The following ONECUT3 variants were observed in gnomAD, a reference collection of about 807,000 sequenced individuals.
ONECUT3 encodes the protein one cut homeobox 3, also known as one cut domain family member 3.
A neutral mutation model predicts 16.8 loss-of-function variants in ONECUT3; 11 were observed. The observed-to-expected ratio is 0.66, with a 90% confidence interval of 0.41 to 1.09. The LOEUF is 1.09. Among genes scored for constraint, ONECUT3 ranks in the 50% least tolerant of loss-of-function variants. The pLI is 0.00. For missense variants in ONECUT3, 637 were observed against 629.9 expected (o/e 1.01, Z -0.12); for synonymous variants, 344 against 310.7 (o/e 1.11, Z -1.13).
chr19:1,754,801 G>T lies in ONECUT3; in HGVS notation c.1139G>T (p.Trp380Leu). 6.4e-7 allele frequency: 1 copy of T among 1,557,904 alleles called. No individual in the cohort carries two copies. The highest frequency in any genetic ancestry group is 2.5e-5 in the East Asian group (1 of 39,544). ...KSGRETFRRM[W>L]KWLQEPEFQR... ...GGCCGCGAGACCTTCCGCAGGATGTGGAAGTGGCTGCAGGAGCCAGAGTTC... is the reference window on the plus strand; with the variant it reads ...GGCCGCGAGACCTTCCGCAGGATGTTGAAGTGGCTGCAGGAGCCAGAGTTC... The change falls in exon 1 of 2, where the codon TGG (tryptophan) becomes TTG (leucine). Residue 380 changes from tryptophan (W) to leucine (L), a missense_variant. By Grantham distance (61) the Trp-to-Leu change is moderately conservative. Coordinates refer to ENST00000382349, the MANE Select transcript of ONECUT3 (RefSeq NM_001080488.2). This position sits in a 1 kb window ranked among gnomAD's most constrained non-coding sequence, Gnocchi z 7.4.
At chr19:1,761,706 A>G (rs1365675295) in intron 1 of ONECUT3, among the ~76,000 whole-genome samples, 4 of 152,164 alleles carry the variant, frequency 2.6e-5, no homozygotes, top group African/African-American at 9.7e-5. Flanking sequence ...GGAGGGAAGC[A>G]CTGGTGGGGT....
In ONECUT3 at chr19:1,762,972, C is replaced by A. The variant is rs981380386; in HGVS notation, c.1192+8118C>A. On this transcript the variant is annotated intron_variant, in intron 1 of 1. Coordinates refer to ENST00000382349, the MANE Select transcript of ONECUT3 (RefSeq NM_001080488.2). The surrounding 1 kb of genome is among the most constrained non-coding windows in gnomAD (Gnocchi z 4.4). ...GGGAGGCTCAAACCTGTAGTCCCAGCACTTTGGGAGGCCAAGGCAAGAGGA... is the reference window on the plus strand; with the variant it reads ...GGGAGGCTCAAACCTGTAGTCCCAGAACTTTGGGAGGCCAAGGCAAGAGGA... Among the ~76,000 whole-genome samples, 2 of 152,180 alleles carry A rather than the reference C, an allele frequency of 1.3e-5. No individual in the cohort carries two copies. The highest frequency in any genetic ancestry group is 3.9e-4 in the East Asian group (2 of 5,194).
Position 1,777,022 on chromosome 19 carries a change from A to AAGAGAGAGAG in ONECUT3, c.*1586_*1595dup, listed in dbSNP as rs57734759. The AAGAGAGAGAG allele has an allele frequency of 7.3e-6, 1 of 136,378 alleles. No individual in the cohort carries two copies. The highest frequency in any genetic ancestry group is 7.2e-5 in the Admixed American group (1 of 13,844). The allele number at this position is 136,378 out of a possible 1,614,324, so 8.4% of individuals were successfully genotyped here. A position where few individuals can be genotyped will look rare whatever the true frequency, so the allele number is the denominator to read the frequency against. On this transcript the variant is annotated 3_prime_UTR_variant, in exon 2 of 2. Coordinates refer to ENST00000382349, the MANE Select transcript of ONECUT3 (RefSeq NM_001080488.2). ...CACCCCTTCCCGAACCTGAGAGCGAAAGAGAGAGAGAGAGAGAGGGAGAGA... is the reference window on the plus strand; with the variant it reads ...CACCCCTTCCCGAACCTGAGAGCGAAAGAGAGAGAGAGAGAGAGAGAGAGAGAGGGAGAGA...
In ONECUT3 at chr19:1,754,217, C is replaced by T. The variant is rs2067904178; in HGVS notation, c.555C>T (p.Tyr185=). The stretch of plus-strand genomic sequence containing the variant: ...CGCTCGCCTCCGTGGGCCACCTCTA[C>T]GGACCCTACGGCAAGGAGCTGCCCG... ...RAALASVGHL[Y]GPYGKELPAM... Residue 185 remains tyrosine, a synonymous_variant, in exon 1 of 2, where the codon TAC becomes TAT. Coordinates refer to ENST00000382349, the MANE Select transcript of ONECUT3 (RefSeq NM_001080488.2). The surrounding 1 kb of genome is among the most constrained non-coding windows in gnomAD (Gnocchi z 7.4). 8.9e-7 allele frequency: 1 copy of T among 1,122,004 alleles called. No individual in the cohort carries two copies. Among genetic ancestry groups the T allele is most frequent in the Non-Finnish European group, 1.1e-6 (1 of 912,056 alleles). The allele number at this position is 1,122,004 out of a possible 1,614,324, so 69.5% of individuals were successfully genotyped here.
At chr19:1,767,689 C>T (rs1439759509) in intron 1 of ONECUT3, among the ~76,000 whole-genome samples, 1 of 152,252 alleles carries the variant, frequency 6.6e-6, no homozygotes, top group Non-Finnish European at 1.5e-5. Flanking sequence ...CCGGGACCTC[C>T]CCGCCCAGAG....
In ONECUT3 at chr19:1,776,681, G is replaced by A. The variant is rs1313449614; in HGVS notation, c.*1236G>A. 6.9e-6 allele frequency: 1 copy of A among 145,578 alleles called. No individual in the cohort carries two copies. Among genetic ancestry groups the A allele is most frequent in the African/African-American group, 2.6e-5 (1 of 38,518 alleles). The allele number at this position is 145,578 out of a possible 1,614,324, so 9.0% of individuals were successfully genotyped here. A position where few individuals can be genotyped will look rare whatever the true frequency, so the allele number is the denominator to read the frequency against. ...TCTGGTCTGGGTGACCTCCGAGACT[G>A]GCCGGCCGCGGGATCCCAGGAGCCC... On this transcript the variant is annotated 3_prime_UTR_variant, in exon 2 of 2. Coordinates refer to ENST00000382349, the MANE Select transcript of ONECUT3 (RefSeq NM_001080488.2). This position sits in a 1 kb window ranked among gnomAD's most constrained non-coding sequence, Gnocchi z 4.9.
chr19:1,775,413 G>A lies in ONECUT3; in HGVS notation c.1453G>A (p.Ala485Thr), dbSNP rs560491997. ...GCCCAGCACGGCCCCCGGGGGCCCC[G>A]CCGGCGCCACGGCCACTTTCTCCAA... ...EEPSTAPGGP[A>T]GATATFSKA Residue 485 changes from alanine to threonine, a missense_variant, in exon 2 of 2, where the codon GCC becomes ACC. Physicochemically the swap from Ala to Thr is moderately conservative, Grantham distance 58. This residue lies in a region of ONECUT3 where 183 missense variants were observed against 188.3 expected (regional missense o/e 0.97). Transcript: ENST00000382349. 6.5e-7 allele frequency: 1 copy of A among 1,528,562 alleles called. No individual in the cohort carries two copies. Among genetic ancestry groups the A allele is most frequent in the East Asian group, 2.6e-5 (1 of 38,922 alleles). 94.7% of individuals were successfully genotyped at this position (1,528,562 alleles called of 1,614,324 possible). A position where few individuals can be genotyped will look rare whatever the true frequency, so the allele number is the denominator to read the frequency against.
chr19:1,772,686 CTT>C (rs201848533), intron 1 of ONECUT3, among the ~76,000 whole-genome samples: 796 of 63,818 alleles, frequency 0.012, 2 homozygotes, highest in East Asian at 0.099. Flanking sequence ...CTGCTTTACT[CTT>C]TTTTTTTTTT....
chr19:1,775,190 C>G lies in ONECUT3; in HGVS notation c.1230C>G (p.Arg410=). The G allele has an allele frequency of 6.6e-7, 1 of 1,512,766 alleles. No individual in the cohort carries two copies. The highest frequency in any genetic ancestry group is 8.9e-7 in the Non-Finnish European group (1 of 1,124,326). The allele number at this position is 1,512,766 out of a possible 1,614,324, so 93.7% of individuals were successfully genotyped here. Residue 410 remains arginine (R), a synonymous_variant, in exon 2 of 2, where the codon CGC becomes CGG. Coordinates refer to ENST00000382349, the MANE Select transcript of ONECUT3 (RefSeq NM_001080488.2). ...AGGAACAGGAGCAGCAGAAGGAGCG[C>G]GCCCTGCAGCCCAAGAAGCAGCGCC... ...KRKEQEQQKE[R]ALQPKKQRLV... is the part of the protein sequence containing the mutation.
rs1408374614 is a variant in ONECUT3 at position 1,758,315 on chromosome 19, A to AGAGAGAGAGAGAGAGAG, written c.1192+3461_1192+3462insGAGAGAGAGAGAGAGAG. Among the ~76,000 whole-genome samples, 1 of 77,022 alleles carries AGAGAGAGAGAGAGAGAG rather than the reference A, an allele frequency of 1.3e-5. No individual in the cohort carries two copies. Among genetic ancestry groups the AGAGAGAGAGAGAGAGAG allele is most frequent in the African/African-American group, 4.0e-5 (1 of 24,788 alleles). The allele number at this position is 77,022 out of a possible 152,430, so 50.5% of individuals were successfully genotyped here. On this transcript the variant is annotated intron_variant, in intron 1 of 1. Transcript: ENST00000382349. This position sits in a 1 kb window ranked among gnomAD's most constrained non-coding sequence, Gnocchi z 5.9. ...GCAGAGAGACCAAAAAAAAAAAAAAAAGAGAGAGAGAGAGAGAGAGACAGA... is the reference window on the plus strand; with the variant it reads ...GCAGAGAGACCAAAAAAAAAAAAAAAGAGAGAGAGAGAGAGAGAGAGAGAGAGAGAGAGAGAGACAGA...
Position 1,758,387 on chromosome 19 carries a change from C to T in ONECUT3, c.1192+3533C>T, listed in dbSNP as rs1292255358. On this transcript the variant is annotated intron_variant, in intron 1 of 1. Coordinates refer to ENST00000382349, the MANE Select transcript of ONECUT3 (RefSeq NM_001080488.2). The surrounding 1 kb of genome is among the most constrained non-coding windows in gnomAD (Gnocchi z 5.9). ...GCTGGAGGCTGCCTCTGTGTCCACC[C>T]CCGCCCTCCCACAGCCCCCTCCTTC... 1.3e-5 allele frequency among the ~76,000 whole-genome samples: 2 copies of T among 151,818 alleles called. No homozygotes were observed. The highest frequency in any genetic ancestry group is 4.8e-5 in the African/African-American group (2 of 41,286).
In ONECUT3 at chr19:1,758,218, G is replaced by A. The variant is rs1044226656; in HGVS notation, c.1192+3364G>A. ...AGTGGGGAGGGAGAGACCGGGAGCG[G>A]GAGAAACAGACGGGGAGAAGAGAAA... is the stretch of plus-strand genomic sequence containing the variant. On this transcript the variant is annotated intron_variant, in intron 1 of 1. Transcript: ENST00000382349. The surrounding 1 kb of genome is among the most constrained non-coding windows in gnomAD (Gnocchi z 5.9). Among the ~76,000 whole-genome samples, 9 of 151,812 alleles carry A rather than the reference G, an allele frequency of 5.9e-5. No individual in the cohort carries two copies. The highest frequency in any genetic ancestry group is 1.3e-4 in the Non-Finnish European group (9 of 67,924).
chr19:1,772,646 C>A (rs2068065525), intron 1 of ONECUT3, among the ~76,000 whole-genome samples: 2 of 149,932 alleles, frequency 1.3e-5, no homozygotes, highest in Non-Finnish European at 3.0e-5. Context: ...CCCATCTTTG[C>A]AGCTGCTTGT....
intron 1 of ONECUT3, among the ~76,000 whole-genome samples, chr19:1,774,691 G>T (rs1326284187): frequency 1.3e-5 from 2 of 151,078 alleles, no homozygotes; most frequent in Admixed American, 1.3e-4. Flanking sequence ...GGGGTTTGGG[G>T]GGTATGAGGC....
Position 1,776,491 on chromosome 19 carries a change from G to A in ONECUT3, c.*1046G>A, listed in dbSNP as rs1003491573. On this transcript the variant is annotated 3_prime_UTR_variant, in exon 2 of 2. Transcript: ENST00000382349. This position sits in a 1 kb window ranked among gnomAD's most constrained non-coding sequence, Gnocchi z 4.9. ...TGAACTGGGCTTGCAGGGGGGCAGC[G>A]GGGTTGAACGTGGTGTTGGTTTCCA... 2 of 152,212 alleles carry A rather than the reference G, an allele frequency of 1.3e-5. No individual in the cohort carries two copies. The highest frequency in any genetic ancestry group is 2.4e-5 in the African/African-American group (1 of 41,442). 9.4% of individuals were successfully genotyped at this position (152,212 alleles called of 1,614,324 possible).
Position 1,778,866 on chromosome 19 carries a change from TCACACACACACACACACACACACACACA to T in ONECUT3, c.*3441_*3468del, listed in dbSNP as rs60843841. On this transcript the variant is annotated 3_prime_UTR_variant, in exon 2 of 2. Transcript: ENST00000382349. ...TGGATCCTTTTCAGATATCTTCGTA[TCACACACACACACACACACACACACACA>T]CACACACACACACACACACCCCTAC... 2 of 132,382 alleles carry T rather than the reference TCACACACACACACACACACACACACACA, an allele frequency of 1.5e-5. No homozygotes were observed. Among genetic ancestry groups the T allele is most frequent in the Non-Finnish European group, 3.2e-5 (2 of 63,358 alleles). 8.2% of individuals were successfully genotyped at this position (132,382 alleles called of 1,614,324 possible). A position where few individuals can be genotyped will look rare whatever the true frequency, so the allele number is the denominator to read the frequency against.
intron 1 of ONECUT3, among the ~76,000 whole-genome samples, chr19:1,757,553 G>A (rs1260697723): frequency 1.3e-5 from 2 of 152,176 alleles, no homozygotes; most frequent in Non-Finnish European, 2.9e-5. Flanking sequence ...CGGGTCCGCT[G>A]CCCACGCCGT....
rs2067932586 is a variant in ONECUT3 at position 1,759,014 on chromosome 19, C to T, written c.1192+4160C>T. Among the ~76,000 whole-genome samples the T allele has an allele frequency of 6.6e-6, 1 of 152,242 alleles. No individual in the cohort carries two copies. Among genetic ancestry groups the T allele is most frequent in the East Asian group, 1.9e-4 (1 of 5,162 alleles). On this transcript the variant is annotated intron_variant, in intron 1 of 1. Transcript: ENST00000382349. This position sits in a 1 kb window ranked among gnomAD's most constrained non-coding sequence, Gnocchi z 4.1. ...TCCTCCTGTGGGCACCATGGGGAGG[C>T]AGGAGCCCAGAATCCCTGAGGGATG...
At chr19:1,772,860 AT>A (rs759006591) in intron 1 of ONECUT3, among the ~76,000 whole-genome samples, 40,073 of 107,148 alleles carry the variant, frequency 0.37, 7,404 homozygotes, top group East Asian at 0.52. Flanking sequence ...CGTCCAGCTA[AT>A]TTTTTTTTTT....
Sources: gnomAD v4.1 joint callset for allele counts (sites outside exome capture counted in the v4.1 genomes callset) on GRCh38, gnomAD v4.1.1 for gene constraint, gnomAD v4.1.1 regional missense constraint, Gnocchi (gnomAD v3.1) non-coding constraint, MANE v1.5 for transcripts, NCBI Gene and HGNC (gene_info 2026-07-23, HGNC 2026-07-21) for gene names.